Variants in KY observed in about 807,000 individuals in gnomAD.
The protein encoded by KY is kyphoscoliosis peptidase.
KY carries 43 observed loss-of-function variants against 76.1 expected under a neutral mutation model. The observed-to-expected ratio is 0.57, with a 90% CI of 0.44 to 0.73. The LOEUF (loss-of-function observed/expected upper bound fraction) is 0.73, where lower values mean the gene tolerates loss of function less well. KY is among the 30% of genes least tolerant of loss of function. KY has a pLI of 0.00. For missense variants in KY, 722 were observed against 828.9 expected (o/e 0.87, Z 1.58); for synonymous variants, 277 against 326.2 (o/e 0.85, Z 1.63).
chr3:134,606,164 A>C (rs759993061), intron 10 of KY, among the ~76,000 whole-genome samples: 6 of 151,872 alleles, frequency 4.0e-5, no homozygotes, highest in African/African-American at 9.7e-5. Context: ...GTTCCATCTC[A>C]CAACTGGCTG....
chr3:134,650,751 C>G, intron 1 of KY, 74 bp downstream of exon 1: 2 of 1,376,110 alleles, frequency 1.5e-6, no homozygotes, highest in Non-Finnish European at 1.9e-6. Flanking sequence ...TGGGCGCCCC[C>G]CGGCGGGCAG....
rs763126724 is a variant in KY at position 134,650,807 on chromosome 3, G to C, written c.136+18C>G. ...AAGGTGCCGGGGGACCCGGGGACCC[G>C]GGTCGGGCGCGCGTTACCTCCTCCG... is the stretch of plus-strand genomic sequence containing the variant. On this transcript the variant is annotated intron_variant, in intron 1 of 10. Coordinates refer to ENST00000423778, the MANE Select transcript of KY (RefSeq NM_178554.6). 1 of 1,557,396 alleles carries C rather than the reference G, an allele frequency of 6.4e-7. No homozygotes were observed. The highest frequency in any genetic ancestry group is 8.7e-7 in the Non-Finnish European group (1 of 1,151,228).
At chr3:134,610,517 C>A (rs1960183230) in intron 8 of KY, 134 bp from the exon 9 acceptor site, 1 of 747,426 alleles carries the variant, frequency 1.3e-6, no homozygotes, top group Non-Finnish European at 2.2e-6. Context: ...GCTTCTTGTA[C>A]TCACATATAA....
chr3:134,629,801 T>G (rs938397443), intron 3 of KY, 106 bp from the exon 4 acceptor site: 7 of 715,402 alleles, frequency 9.8e-6, no homozygotes, highest in African/African-American at 3.6e-5. Context: ...TAGAACTTTC[T>G]TTTGTGTGTA....
At chr3:134,624,485 ACT>A (rs1560120533) in intron 6 of KY, among the ~76,000 whole-genome samples, 2 of 151,814 alleles carry the variant, frequency 1.3e-5, no homozygotes, top group African/African-American at 2.4e-5. Context: ...CTCCTATCAG[ACT>A]CTCTGTGCTG....
intron 10 of KY, chr3:134,608,377 A>C: frequency 1.4e-6 from 2 of 1,393,148 alleles, no homozygotes; most frequent in Non-Finnish European, 1.9e-6. Flanking sequence ...GGAAACCTGC[A>C]GCCTTCAGAC....
At chr3:134,637,769 A>G (rs1380065069) in intron 3 of KY, among the ~76,000 whole-genome samples, 4 of 152,210 alleles carry the variant, frequency 2.6e-5, no homozygotes, top group African/African-American at 9.6e-5. Flanking sequence ...ACATGCCCTG[A>G]GCCATGTCTC....
At chr3:134,630,870 G>C (rs747872230) in intron 3 of KY, among the ~76,000 whole-genome samples, 4 of 152,246 alleles carry the variant, frequency 2.6e-5, no homozygotes, top group Non-Finnish European at 4.4e-5. Flanking sequence ...ACAGTTTTGA[G>C]ATAAATGGAA....
Position 134,635,493 on chromosome 3 carries a change from T to TAAAAA in KY, c.263-5803_263-5799dup, listed in dbSNP as rs10647203. Among the ~76,000 whole-genome samples, 208 of 79,276 alleles carry TAAAAA rather than the reference T, an allele frequency of 2.6e-3. 6 individuals are homozygous for TAAAAA. Among genetic ancestry groups the TAAAAA allele is most frequent in the East Asian group, 0.013 (30 of 2,336 alleles). The allele number at this position is 79,276 out of a possible 152,430, so 52.0% of individuals were successfully genotyped here. A position where few individuals can be genotyped will look rare whatever the true frequency, so the allele number is the denominator to read the frequency against. On this transcript the variant is annotated intron_variant, in intron 3 of 10. Coordinates refer to ENST00000423778, the MANE Select transcript of KY (RefSeq NM_178554.6). Reference sequence around the variant, plus strand: ...GCCTGGACAACAGAGCGAGACTCTGTAAAAAAAAAAAAAAAAAAAAAGTAC... The same window carrying TAAAAA: ...GCCTGGACAACAGAGCGAGACTCTGTAAAAAAAAAAAAAAAAAAAAAAAAAAGTAC...
At chr3:134,618,258 G>A (rs924288754) in intron 8 of KY, among the ~76,000 whole-genome samples, 3 of 152,116 alleles carry the variant, frequency 2.0e-5, no homozygotes, top group South Asian at 4.1e-4. Flanking sequence ...GGCAGCTGCC[G>A]CCTCTGCAAC....
intron 10 of KY, 51 bp downstream of exon 10, chr3:134,608,598 C>A (rs569768597): frequency 7.4e-6 from 12 of 1,613,366 alleles, no homozygotes; most frequent in African/African-American, 2.7e-5. Context: ...GAGGACAGTG[C>A]GAAATGCTCC....
intron 3 of KY, among the ~76,000 whole-genome samples, chr3:134,637,884 G>A (rs886469598): frequency 5.9e-5 from 9 of 152,226 alleles, no homozygotes; most frequent in Admixed American, 5.2e-4. Flanking sequence ...GGGTGTTGAG[G>A]TGGGCTCATG....
At chr3:134,633,510 C>T (rs1331320413) in intron 3 of KY, among the ~76,000 whole-genome samples, 2 of 152,064 alleles carry the variant, frequency 1.3e-5, no homozygotes, top group African/African-American at 4.8e-5. Flanking sequence ...CTACTAGGAT[C>T]ACACCTATTG....
intron 7 of KY, among the ~76,000 whole-genome samples, chr3:134,620,249 C>T (rs919556884): frequency 3.9e-5 from 6 of 152,196 alleles, no homozygotes; most frequent in African/African-American, 1.4e-4. Context: ...CTCCAAGAAC[C>T]TTGGAGACTG....
At chr3:134,620,885 T>C (rs115592109) in intron 6 of KY, 28 bp from the exon 7 acceptor site, 1 of 1,444,680 alleles carries the variant, frequency 6.9e-7, no homozygotes, top group South Asian at 1.2e-5. Flanking sequence ...TGTGCTGTAT[T>C]AGGGCCTCGA....
chr3:134,639,290 T>C (rs1299393732), intron 3 of KY, among the ~76,000 whole-genome samples: 1 of 152,126 alleles, frequency 6.6e-6, no homozygotes, highest in African/African-American at 2.4e-5. Context: ...TAGAACATGA[T>C]GGAACACCAC....
intron 8 of KY, among the ~76,000 whole-genome samples, chr3:134,613,424 A>T (rs1348875864): frequency 3.9e-5 from 6 of 152,310 alleles, no homozygotes; most frequent in African/African-American, 1.4e-4. Context: ...GAGCAGGAGG[A>T]AGAAGCAAGG....
Position 134,604,164 on chromosome 3 carries a change from G to T in KY, c.1401C>A (p.Ser467=), listed in dbSNP as rs771703941. 2.5e-6 allele frequency: 4 copies of T among 1,609,226 alleles called. No homozygotes were observed. The African/African-American group carries it at 5.3e-5, about 22-fold the overall frequency. Residue 467 remains serine (S), a synonymous_variant, in exon 11 of 11, where the codon TCC becomes TCA. Transcript: ENST00000423778. ...TGGTGTGGATGATAGGGTCAGGGTG[G>T]GAGGGCTTCATGATGCCCATCTGCT... ...FSEQMGIMKP[S]HPDPIIHTSD...
Position 134,610,272 on chromosome 3 carries a change from C to T in KY, c.822G>A (p.Leu274=). Residue 274 remains leucine, a synonymous_variant, in exon 9 of 11, where the codon CTG becomes CTA. Transcript: ENST00000423778. ...TGTCCACCAGGTGCCATCTTCCCTC[C>T]AGGTACACAGCATTCCAGGCATGGT... The part of the protein sequence containing the change: ...EFDHAWNAVY[L]EGRWHLVDST... 2 of 1,613,976 alleles carry T rather than the reference C, an allele frequency of 1.2e-6. No homozygotes were observed. The highest frequency in any genetic ancestry group is 1.7e-6 in the Non-Finnish European group (2 of 1,179,888).
Sources: allele counts gnomAD v4.1 joint callset (sites outside exome capture counted in the v4.1 genomes callset), GRCh38; gene constraint gnomAD v4.1.1; transcripts MANE v1.5; gene names NCBI Gene and HGNC (gene_info 2026-07-23, HGNC 2026-07-21).